RFPL1: variants seen among roughly 807,000 people sequenced by gnomAD.
RFPL1 encodes the protein ret finger protein like 1.
Under a neutral mutation model 9.6 loss-of-function variants are expected in RFPL1, and 6 were observed. The observed-to-expected ratio is 0.62, with a 90% CI of 0.34 to 1.23. RFPL1 has a LOEUF of 1.23. Ranked by LOEUF, RFPL1 falls within the 50% of genes most tolerant of loss-of-function variation. The pLI, the probability that RFPL1 is intolerant of heterozygous loss-of-function variation, is 0.03. For synonymous variants in RFPL1, 145 were observed against 149.4 expected (o/e 0.97, Z 0.22); for missense variants, 352 against 398.4 (o/e 0.88, Z 0.99).
the RFPL1 span, among the ~76,000 whole-genome samples, chr22:29,408,122 T>C: frequency 6.6e-6 from 1 of 152,170 alleles, no homozygotes; most frequent in Non-Finnish European, 1.5e-5. Context: ...AGATGATCAA[T>C]GTAGTGGCAG....
intron 1 of RFPL1, 172 bp from the exon 2 acceptor site, chr22:29,441,370 C>G (rs2062837901): frequency 2.8e-6 from 2 of 707,804 alleles, no homozygotes; most frequent in Non-Finnish European, 4.7e-6. Context: ...ACAAAGCATA[C>G]CTATGAGAAT....
chr22:29,416,522 A>G, the RFPL1 span, among the ~76,000 whole-genome samples: 40,498 of 152,066 alleles, frequency 0.27, 7,215 homozygotes, highest in African/African-American at 0.47. Flanking sequence ...ATACTTAGGT[A>G]TCTGGTCCTT....
the RFPL1 span, among the ~76,000 whole-genome samples, chr22:29,390,277 G>A: frequency 6.6e-6 from 1 of 152,074 alleles, no homozygotes; most frequent in Non-Finnish European, 1.5e-5. Context: ...TAATAAATAA[G>A]CTTGCACTTA....
At chr22:29,397,496 G>A in the RFPL1 span, among the ~76,000 whole-genome samples, 3 of 152,128 alleles carry the variant, frequency 2.0e-5, no homozygotes, top group Non-Finnish European at 4.4e-5. Context: ...CTTTTCCCAA[G>A]CCAGTGCCAA....
At chr22:29,423,805 G>A in the RFPL1 span, among the ~76,000 whole-genome samples, 16 of 152,190 alleles carry the variant, frequency 1.1e-4, no homozygotes, top group Non-Finnish European at 1.9e-4. Flanking sequence ...TTCATCTGTG[G>A]AAAGGGCTAG....
chr22:29,414,929 C>T, the RFPL1 span, among the ~76,000 whole-genome samples: 1 of 151,998 alleles, frequency 6.6e-6, no homozygotes, highest in Non-Finnish European at 1.5e-5. Flanking sequence ...GTTGCCGCTA[C>T]AGACTGAATG....
chr22:29,426,420 TATG>T, the RFPL1 span, among the ~76,000 whole-genome samples: 2 of 152,160 alleles, frequency 1.3e-5, no homozygotes, highest in South Asian at 4.1e-4. Context: ...GACTAATAGA[TATG>T]ATATCTGCAA....
At chr22:29,417,855 A>T in the RFPL1 span, among the ~76,000 whole-genome samples, 1 of 152,150 alleles carries the variant, frequency 6.6e-6, no homozygotes, top group Non-Finnish European at 1.5e-5. Context: ...GGTGATGGGA[A>T]CAGAGGCAAA....
the RFPL1 span, among the ~76,000 whole-genome samples, chr22:29,420,829 C>T: frequency 0.019 from 2,940 of 150,898 alleles, 91 homozygotes; most frequent in African/African-American, 0.065. Context: ...TTAGTAGAGA[C>T]GGGGTTTCAC....
At chr22:29,396,643 A>T in the RFPL1 span, among the ~76,000 whole-genome samples, 1 of 152,130 alleles carries the variant, frequency 6.6e-6, no homozygotes, top group Non-Finnish European at 1.5e-5. Context: ...ATTTGTATTA[A>T]TTAAAAAAAA....
At chr22:29,401,358 T>C in the RFPL1 span, among the ~76,000 whole-genome samples, 1 of 152,214 alleles carries the variant, frequency 6.6e-6, no homozygotes, top group Non-Finnish European at 1.5e-5. Flanking sequence ...AGTTGGGATG[T>C]CACAGAATGG....
At chr22:29,426,809 C>T in the RFPL1 span, among the ~76,000 whole-genome samples, 2 of 152,070 alleles carry the variant, frequency 1.3e-5, no homozygotes, top group Non-Finnish European at 2.9e-5. Flanking sequence ...CTCCTGTTTC[C>T]TTATTTTTGT....
the RFPL1 span, among the ~76,000 whole-genome samples, chr22:29,424,837 C>A: frequency 2.9e-4 from 31 of 106,704 alleles, no homozygotes; most frequent in East Asian, 4.6e-3. Flanking sequence ...CCTCCCACCC[C>A]CCCCCCCGCA....
At chr22:29,403,105 G>T in the RFPL1 span, among the ~76,000 whole-genome samples, 2 of 151,938 alleles carry the variant, frequency 1.3e-5, no homozygotes, top group Non-Finnish European at 2.9e-5. Flanking sequence ...CTTGGTTCTT[G>T]TTATGTCCCT....
the RFPL1 span, among the ~76,000 whole-genome samples, chr22:29,400,565 A>G: frequency 6.6e-6 from 1 of 152,096 alleles, no homozygotes; most frequent in African/African-American, 2.4e-5. Flanking sequence ...AATTGTAAAC[A>G]TGTTTCCTTT....
chr22:29,409,199 C>T, the RFPL1 span, among the ~76,000 whole-genome samples: 2 of 152,122 alleles, frequency 1.3e-5, no homozygotes, highest in Non-Finnish European at 2.9e-5. Context: ...ATCTTAGAAC[C>T]TCTTTATTCC....
chr22:29,437,830 C>A, upstream of RFPL1: 1 of 1,194,462 alleles, frequency 8.4e-7, no homozygotes, highest in South Asian at 1.5e-5. Flanking sequence ...TTAATGAATT[C>A]AACAAAGGCT....
At chr22:29,416,483 C>A in the RFPL1 span, among the ~76,000 whole-genome samples, 5 of 152,302 alleles carry the variant, frequency 3.3e-5, no homozygotes, top group Middle Eastern at 3.4e-3. Context: ...AACTCACTTC[C>A]CAGGGCCTTT....
chr22:29,392,771 C>T, the RFPL1 span, among the ~76,000 whole-genome samples: 1 of 152,180 alleles, frequency 6.6e-6, no homozygotes, highest in African/African-American at 2.4e-5. Context: ...ATCTCATTTG[C>T]TCCTGACATC....
Sources: gnomAD v4.1 joint callset for allele counts (sites outside exome capture counted in the v4.1 genomes callset) on GRCh38, gnomAD v4.1.1 for gene constraint, MANE v1.5 for transcripts, NCBI Gene and HGNC (gene_info 2026-07-23, HGNC 2026-07-21) for gene names.